Variants in ADAMTS9 observed in about 807,000 individuals in gnomAD.
The protein encoded by ADAMTS9 is ADAM metallopeptidase with thrombospondin type 1 motif 9.
A neutral mutation model predicts 257.1 loss-of-function variants in ADAMTS9; 107 were observed. That is an observed-to-expected ratio of 0.42 (90% CI 0.36 to 0.49). The LOEUF is 0.49. Ranked by LOEUF, ADAMTS9 falls within the 20% of genes least tolerant of loss-of-function variation. The probability of loss-of-function intolerance (pLI) is 0.03; values close to 1 mark genes in which losing one functional copy is unlikely to be tolerated. For synonymous variants in ADAMTS9, 982 were observed against 880.9 expected (o/e 1.11, Z -2.03); for missense variants, 2,353 against 2,469.1 (o/e 0.95, Z 1.00).
In ADAMTS9 at chr3:64,649,805, A is replaced by C. The variant is rs769004510; in HGVS notation, c.1464-27T>G. The stretch of plus-strand genomic sequence containing the variant: ...TACGGAAACACACAGAAACACACAG[A>C]TGGTGAGAACGGTGGCTGTCAAGGT... On this transcript the variant is annotated intron_variant, in intron 9 of 39. Coordinates refer to ENST00000498707, the MANE Select transcript of ADAMTS9 (RefSeq NM_182920.2). The C allele has an allele frequency of 4.4e-6, 7 of 1,601,416 alleles. No individual in the cohort carries two copies. In the East Asian group the frequency reaches 1.1e-4, roughly 26 times the overall value.
rs768834635 is a variant in ADAMTS9, at chr3:64,622,631, A to G, written c.2390-45T>C. ...ATAATACATTGATCTGCTGTCAATG[A>G]CTAGCTGTTTGAAATATGAAGTAAC... On this transcript the variant is annotated intron_variant, in intron 16 of 39. Coordinates refer to ENST00000498707, the MANE Select transcript of ADAMTS9 (RefSeq NM_182920.2). 4 of 1,588,568 alleles carry G rather than the reference A, an allele frequency of 2.5e-6. No individual in the cohort carries two copies. The Admixed American group carries it at 5.0e-5, about 20-fold the overall frequency.
chr3:64,667,828 A>T (rs1338600573), intron 3 of ADAMTS9, among the ~76,000 whole-genome samples: 1 of 152,096 alleles, frequency 6.6e-6, no homozygotes, highest in Non-Finnish European at 1.5e-5. Context: ...CCTCAAAGCA[A>T]CCCGATATGG....
Position 64,687,522 on chromosome 3 carries a change from CG to C in ADAMTS9, c.115+20del, listed in dbSNP as rs1234419826. The stretch of plus-strand genomic sequence containing the variant: ...GGCGGCGTCGGGGCCGGCGGGGTCC[CG>C]GGGGCCGGAGCCTGGTTACCTTGCC... On this transcript the variant is annotated intron_variant, in intron 1 of 39. Coordinates refer to ENST00000498707, the MANE Select transcript of ADAMTS9 (RefSeq NM_182920.2). This position sits in a 1 kb window ranked among gnomAD's most constrained non-coding sequence, Gnocchi z 4.4. The C allele has an allele frequency of 6.0e-6, 9 of 1,511,170 alleles. No homozygotes were observed. Among genetic ancestry groups the C allele is most frequent in the South Asian group, 3.8e-5 (3 of 79,388 alleles). 93.6% of individuals were successfully genotyped at this position (1,511,170 alleles called of 1,614,324 possible). A position where few individuals can be genotyped will look rare whatever the true frequency, so the allele number is the denominator to read the frequency against.
intron 2 of ADAMTS9, among the ~76,000 whole-genome samples, chr3:64,682,260 C>G (rs542797524): frequency 7.2e-4 from 109 of 152,284 alleles, no homozygotes; most frequent in Admixed American, 2.4e-3. Context: ...AGTTACTGTG[C>G]AGATTAAATA....
chr3:64,641,826 A>T (rs746346751), intron 12 of ADAMTS9, 22 bp downstream of exon 12: 1 of 1,613,040 alleles, frequency 6.2e-7, no homozygotes, highest in Admixed American at 1.7e-5. Context: ...CAGTAATAAC[A>T]GTTATACATT....
At chr3:64,675,935 T>C (rs1701614718) in intron 3 of ADAMTS9, among the ~76,000 whole-genome samples, 1 of 152,210 alleles carries the variant, frequency 6.6e-6, no homozygotes, top group South Asian at 2.1e-4. Context: ...AATTATCATC[T>C]TATGTTTTCC....
At chr3:64,611,054 C>A (rs1399887210) in intron 22 of ADAMTS9, among the ~76,000 whole-genome samples, 1 of 120,192 alleles carries the variant, frequency 8.3e-6, no homozygotes, top group Non-Finnish European at 1.6e-5. Context: ...CCAGCCTGGG[C>A]GACAGAGTGA....
chr3:64,680,216 T>C (rs1247680755), intron 3 of ADAMTS9, among the ~76,000 whole-genome samples: 1 of 152,166 alleles, frequency 6.6e-6, no homozygotes, highest in East Asian at 1.9e-4. Flanking sequence ...CTGGGGAGCA[T>C]TTGAGGAAAC....
intron 19 of ADAMTS9, 59 bp downstream of exon 19, chr3:64,621,055 G>A: frequency 6.4e-7 from 1 of 1,551,828 alleles, no homozygotes; most frequent in East Asian, 2.3e-5. Context: ...CTCCTGCTGG[G>A]ACCTCCTGCA....
intron 23 of ADAMTS9, among the ~76,000 whole-genome samples, chr3:64,604,846 T>C (rs1489929297): frequency 6.6e-6 from 1 of 152,234 alleles, no homozygotes; most frequent in Non-Finnish European, 1.5e-5. Context: ...TGCCTGGACT[T>C]CATATAACAC....
At position 64,681,243 on chromosome 3, in the gene ADAMTS9, G is replaced by A. The variant is rs774572932; in HGVS notation, c.637C>T (p.Gln213Ter). The A allele has an allele frequency of 6.2e-7, 1 of 1,613,774 alleles. No homozygotes were observed. Among genetic ancestry groups the A allele is most frequent in the Non-Finnish European group, 8.5e-7 (1 of 1,179,870 alleles). ...PHIIYRRSAP[Q>*]REPSTGRHAC... ...TGCCTTCCTGTTGAGGGCTCTCTCT[G>A]GGGGGCGCTGCGCCTATAAATGATG... Residue 213 changes from glutamine to a stop codon, truncating the protein, a stop_gained, in exon 3 of 40, where the codon CAG becomes TAG. Transcript: ENST00000498707. LOFTEE classifies it high-confidence loss of function.
intron 28 of ADAMTS9, among the ~76,000 whole-genome samples, chr3:64,584,890 C>T (rs1260143685): frequency 6.6e-6 from 1 of 152,136 alleles, no homozygotes; most frequent in Admixed American, 6.6e-5. Flanking sequence ...AAATACCGTA[C>T]AACTCTCTAA....
intron 12 of ADAMTS9, among the ~76,000 whole-genome samples, chr3:64,638,806 A>G (rs748144758): frequency 3.6e-4 from 55 of 152,258 alleles, no homozygotes; most frequent in Non-Finnish European, 7.5e-4. Flanking sequence ...AAAAACTCTT[A>G]AGAATATACT....
At chr3:64,599,804 T>C (rs749074282) in intron 26 of ADAMTS9, among the ~76,000 whole-genome samples, 17 of 152,212 alleles carry the variant, frequency 1.1e-4, no homozygotes, top group Admixed American at 2.6e-4. Flanking sequence ...TAAGGTTTTA[T>C]TGGAACAGAG....
At chr3:64,566,855 T>C (rs2083557380) in intron 29 of ADAMTS9, among the ~76,000 whole-genome samples, 1 of 147,354 alleles carries the variant, frequency 6.8e-6, no homozygotes, top group South Asian at 2.2e-4. Context: ...ATGAATCGAA[T>C]AGCTCCAAAA....
intron 28 of ADAMTS9, among the ~76,000 whole-genome samples, chr3:64,585,203 A>G (rs2084116426): frequency 6.6e-6 from 1 of 152,180 alleles, no homozygotes; most frequent in Non-Finnish European, 1.5e-5. Flanking sequence ...GGCTCTGTCT[A>G]TATTTCTTCC....
chr3:64,635,161 C>G (rs555018562), intron 12 of ADAMTS9, among the ~76,000 whole-genome samples: 1 of 152,168 alleles, frequency 6.6e-6, no homozygotes, highest in Non-Finnish European at 1.5e-5. Context: ...GGACTCAGTG[C>G]TCCTGCAGCG....
intron 12 of ADAMTS9, among the ~76,000 whole-genome samples, chr3:64,638,106 C>G (rs1227941051): frequency 6.6e-6 from 1 of 152,092 alleles, no homozygotes; most frequent in Non-Finnish European, 1.5e-5. Context: ...AGTTCATAAT[C>G]CTTTTAACCC....
At chr3:64,530,004 T>G (rs1176334421) in intron 38 of ADAMTS9, among the ~76,000 whole-genome samples, 2 of 137,996 alleles carry the variant, frequency 1.4e-5, no homozygotes, top group Admixed American at 1.7e-4. Flanking sequence ...TTTTTTTTTT[T>G]GTAGAGATTG....
Sources: allele counts gnomAD v4.1 joint callset (sites outside exome capture counted in the v4.1 genomes callset), GRCh38; gene constraint gnomAD v4.1.1; non-coding constraint Gnocchi (gnomAD v3.1); transcripts MANE v1.5; gene names NCBI Gene and HGNC (gene_info 2026-07-23, HGNC 2026-07-21).